Variants in NLRP14 observed in about 807,000 individuals in gnomAD.
NLRP14 encodes the protein NLR family pyrin domain containing 14.
NLRP14 carries 105 observed loss-of-function variants against 94.7 expected under a neutral mutation model. That is an observed-to-expected ratio of 1.11 (90% confidence interval 0.95 to 1.30). The LOEUF (loss-of-function observed/expected upper bound fraction) is 1.30, where lower values mean the gene tolerates loss of function less well. NLRP14 is among the 50% of genes most tolerant of loss of function. The pLI is 0.00. For synonymous variants in NLRP14, 508 were observed against 459.9 expected, an observed-to-expected ratio of 1.10 and a Z score of -1.34; for missense variants, 1,362 against 1,254.1, an observed-to-expected ratio of 1.09 and a Z score of -1.30.
intron 10 of NLRP14, among the ~76,000 whole-genome samples, chr11:7,066,009 T>A (rs985847766): frequency 2.0e-5 from 3 of 152,176 alleles, no homozygotes; most frequent in African/African-American, 7.2e-5. Context: ...GTTTCCAGCT[T>A]CATCCATGTC....
downstream of NLRP14, among the ~76,000 whole-genome samples, chr11:7,073,192 T>C (rs756936546): frequency 2.6e-5 from 4 of 152,174 alleles, no homozygotes; most frequent in Non-Finnish European, 5.9e-5. Context: ...TCCATAATCC[T>C]CCATTAGTGA....
the NLRP14 span, among the ~76,000 whole-genome samples, chr11:7,084,726 GC>G: frequency 2.0e-5 from 3 of 152,104 alleles, no homozygotes; most frequent in African/African-American, 7.2e-5. Context: ...TTTATAATAA[GC>G]CGGAAATGTG....
At chr11:7,041,579 T>C (rs1852250556) in intron 3 of NLRP14, among the ~76,000 whole-genome samples, 1 of 152,208 alleles carries the variant, frequency 6.6e-6, no homozygotes. Flanking sequence ...ATTTTTTTAT[T>C]GCACAAATAT....
Position 7,058,304 on chromosome 11 carries a change from G to A in NLRP14, c.2487G>A (p.Glu829=), listed in dbSNP as rs769172327. Residue 829 remains glutamate, a synonymous_variant, in exon 8 of 12, where the codon GAG becomes GAA. Transcript: ENST00000299481. ...RLSLESCGLT[E]AGCEYLSLAL... ...GCTTAGAAAGCTGTGGTCTCACAGA[G>A]GCTGGCTGTGAGTATCTTTCTTTGG... 6.2e-7 allele frequency: 1 copy of A among 1,612,500 alleles called. No homozygotes were observed. Among genetic ancestry groups the A allele is most frequent in the South Asian group, 1.1e-5 (1 of 91,050 alleles).
chr11:7,036,074 A>G (rs756295491), intron 1 of NLRP14, among the ~76,000 whole-genome samples: 24 of 152,204 alleles, frequency 1.6e-4, no homozygotes, highest in Admixed American at 1.1e-3. Context: ...TAAAGAATCT[A>G]TATACACTAG....
chr11:7,046,981 G>C (rs558451553), intron 5 of NLRP14, 149 bp downstream of exon 5: 3 of 708,602 alleles, frequency 4.2e-6, no homozygotes, highest in Non-Finnish European at 7.5e-6. Flanking sequence ...ATCCTCTGGG[G>C]ACATGGGATC....
chr11:7,078,462 A>AAAAAAAAAAAAAAAAAAG, the NLRP14 span, among the ~76,000 whole-genome samples: 11 of 88,486 alleles, frequency 1.2e-4, 4 homozygotes, highest in African/African-American at 1.7e-4. Flanking sequence ...AAAAAAAAAA[A>AAAAAAAAAAAAAAAAAAG]CAAAAAAATT....
At chr11:7,047,279 AT>A (rs1438578089) in intron 5 of NLRP14, among the ~76,000 whole-genome samples, 1 of 150,780 alleles carries the variant, frequency 6.6e-6, no homozygotes, top group Non-Finnish European at 1.5e-5. Context: ...GATAGAAAAT[AT>A]TTTCATTTAT....
chr11:7,046,929 A>T (rs1286523213), intron 5 of NLRP14, 97 bp downstream of exon 5: 1 of 882,394 alleles, frequency 1.1e-6, no homozygotes, highest in Non-Finnish European at 1.9e-6. Flanking sequence ...ATGCTAAACA[A>T]ATACTTACAA....
chr11:7,037,276 A>T (rs1852174520), intron 1 of NLRP14, among the ~76,000 whole-genome samples: 1 of 152,178 alleles, frequency 6.6e-6, no homozygotes, highest in Non-Finnish European at 1.5e-5. Context: ...AGTTAAACAA[A>T]CAACCTTAAA....
chr11:7,084,301 C>T, the NLRP14 span, among the ~76,000 whole-genome samples: 9 of 152,158 alleles, frequency 5.9e-5, no homozygotes, highest in East Asian at 1.9e-4. Flanking sequence ...TGTTTCTGCT[C>T]GCAGTTACTG....
In NLRP14 at chr11:7,042,804, A is replaced by G. The variant is rs1368165907; in HGVS notation, c.778A>G (p.Ser260Gly). The change falls in exon 4 of 12, where the codon AGT becomes GGT. Residue 260 changes from serine to glycine, a missense_variant. By Grantham distance (56) the Ser-to-Gly change is moderately conservative. Transcript: ENST00000299481. The part of the protein sequence containing the change: ...QPSSLLFIID[S>G]FDELNFAFEE... ...AAGTAGCCTCTTGTTTATTATTGAC[A>G]GTTTCGATGAACTGAACTTTGCCTT... 6.2e-7 allele frequency: 1 copy of G among 1,614,198 alleles called. No individual in the cohort carries two copies. Among genetic ancestry groups the G allele is most frequent in the Admixed American group, 1.7e-5 (1 of 60,034 alleles).
intron 1 of NLRP14, among the ~76,000 whole-genome samples, chr11:7,021,391 A>C (rs1399638236): frequency 6.6e-6 from 1 of 152,208 alleles, no homozygotes; most frequent in Non-Finnish European, 1.5e-5. Flanking sequence ...TGAGTTCACC[A>C]CACAATAAGC....
intron 5 of NLRP14, 32 bp from the exon 6 acceptor site, chr11:7,049,639 T>C: frequency 6.5e-7 from 1 of 1,533,720 alleles, no homozygotes; most frequent in East Asian, 2.3e-5. Flanking sequence ...GAAATGGTTT[T>C]GTAATACCTC....
At chr11:7,079,489 T>C in the NLRP14 span, among the ~76,000 whole-genome samples, 13 of 152,366 alleles carry the variant, frequency 8.5e-5, no homozygotes, top group East Asian at 1.3e-3. Context: ...TATTCATCAA[T>C]TGTATTTTTG....
rs577317781 is a variant in NLRP14, at chr11:7,058,222, G to C, written c.2463-58G>C. On this transcript the variant is annotated intron_variant, in intron 7 of 11. Transcript: ENST00000299481. ...GTGCCACTGATTTCCCTGTGAAGGA[G>C]AAGAGAAGCATGGGCTTTGGGAATT... The C allele has an allele frequency of 2.8e-6, 4 of 1,451,960 alleles. No homozygotes were observed. The East Asian group carries it at 9.1e-5, about 33-fold the overall frequency. The allele number at this position is 1,451,960 out of a possible 1,614,324, so 89.9% of individuals were successfully genotyped here.
At chr11:7,088,576 G>C in the NLRP14 span, among the ~76,000 whole-genome samples, 5 of 152,062 alleles carry the variant, frequency 3.3e-5, no homozygotes, top group African/African-American at 1.2e-4. Context: ...GAGGATAGAC[G>C]AGGCTAAAAG....
chr11:7,033,508 T>G (rs947643589), intron 1 of NLRP14, among the ~76,000 whole-genome samples: 1 of 152,198 alleles, frequency 6.6e-6, no homozygotes, highest in Non-Finnish European at 1.5e-5. Flanking sequence ...GAATATTACA[T>G]TTTTCTATTC....
the NLRP14 span, chr11:7,089,304 G>A: frequency 1.2e-6 from 2 of 1,605,672 alleles, no homozygotes; most frequent in South Asian, 1.1e-5. Context: ...CCCCGCAGAC[G>A]CCAAGGCCGC....
Sources: allele counts gnomAD v4.1 joint callset (sites outside exome capture counted in the v4.1 genomes callset), GRCh38; gene constraint gnomAD v4.1.1; transcripts MANE v1.5; gene names NCBI Gene and HGNC (gene_info 2026-07-23, HGNC 2026-07-21).